Variants in DLGAP2 observed in about 807,000 individuals in gnomAD.
DLGAP2 encodes DLG associated protein 2, also known as disks large-associated protein 2.
In DLGAP2, 26 loss-of-function variants were observed where a neutral mutation model predicts 100.3. That is an observed-to-expected ratio of 0.26 (90% CI 0.19 to 0.36). DLGAP2 has a LOEUF of 0.36. Among genes scored for constraint, DLGAP2 ranks in the 10% least tolerant of loss-of-function variants. The probability of loss-of-function intolerance (pLI) is 1.00; values close to 1 mark genes in which losing one functional copy is unlikely to be tolerated. For missense variants in DLGAP2, 1,858 were observed against 1,453.2 expected (o/e 1.28, Z -4.53); for synonymous variants, 886 against 630.1 (o/e 1.41, Z -6.08).
At chr8:1,025,087 CGT>C (rs776154461) in intron 2 of DLGAP2, among the ~76,000 whole-genome samples, 85 of 150,966 alleles carry the variant, frequency 5.6e-4, no homozygotes, top group Non-Finnish European at 9.6e-4. Context: ...TGTGTGTGCG[CGT>C]GTATGTGTGT....
chr8:1,518,872 A>G (rs753510478), intron 4 of DLGAP2, among the ~76,000 whole-genome samples: 14 of 152,228 alleles, frequency 9.2e-5, no homozygotes, highest in Non-Finnish European at 1.6e-4. Flanking sequence ...ACTGAGCGGC[A>G]TCTGGATATT....
chr8:830,227 G>T (rs1020927789), intron 1 of DLGAP2, among the ~76,000 whole-genome samples: 1 of 152,108 alleles, frequency 6.6e-6, no homozygotes, highest in Non-Finnish European at 1.5e-5. Context: ...TTTGATACAG[G>T]CATGCAATGT....
chr8:1,508,206 T>C (rs1308936786), intron 4 of DLGAP2, among the ~76,000 whole-genome samples: 4 of 151,460 alleles, frequency 2.6e-5, no homozygotes, highest in Non-Finnish European at 4.4e-5. Flanking sequence ...TTACAGCTTT[T>C]CTCCTAAACA....
intron 2 of DLGAP2, among the ~76,000 whole-genome samples, chr8:1,231,542 A>G (rs149733947): frequency 5.3e-5 from 8 of 152,328 alleles, no homozygotes; most frequent in African/African-American, 1.9e-4. Flanking sequence ...TCACCTATTC[A>G]TTGCAGCACT....
intron 2 of DLGAP2, among the ~76,000 whole-genome samples, chr8:1,117,711 G>T (rs1271087352): frequency 1.3e-5 from 2 of 152,126 alleles, no homozygotes; most frequent in East Asian, 3.9e-4. Context: ...AGGGGGAGGC[G>T]GCTGTTCTCC....
chr8:1,329,836 T>G (rs1212854374), intron 3 of DLGAP2, among the ~76,000 whole-genome samples: 1 of 152,226 alleles, frequency 6.6e-6, no homozygotes, highest in Non-Finnish European at 1.5e-5. Context: ...AAGTGTCTCA[T>G]ACCAAACAGG....
chr8:1,164,343 C>CA (rs1563224521), intron 2 of DLGAP2, among the ~76,000 whole-genome samples: 1 of 128,848 alleles, frequency 7.8e-6, no homozygotes, highest in Non-Finnish European at 1.8e-5. Flanking sequence ...TCTGTGAGCC[C>CA]GCAGGGCCCG....
chr8:1,056,683 A>G (rs1346123395), intron 2 of DLGAP2, among the ~76,000 whole-genome samples: 1 of 152,242 alleles, frequency 6.6e-6, no homozygotes. Flanking sequence ...TGCTGTCAGC[A>G]TCAGCTCTGG....
intron 1 of DLGAP2, among the ~76,000 whole-genome samples, chr8:764,223 G>A (rs376109868): frequency 2.3e-4 from 35 of 152,208 alleles, no homozygotes; most frequent in African/African-American, 6.0e-4. Context: ...AGTCACAGGC[G>A]TGGATTTAGA....
At chr8:920,685 A>C (rs1798695471) in intron 2 of DLGAP2, among the ~76,000 whole-genome samples, 1 of 152,188 alleles carries the variant, frequency 6.6e-6, no homozygotes, top group South Asian at 2.1e-4. Context: ...CAGGAGGCAG[A>C]GGCTGCAGTG....
chr8:1,026,006 C>T (rs1801787636), intron 2 of DLGAP2, among the ~76,000 whole-genome samples: 1 of 152,242 alleles, frequency 6.6e-6, no homozygotes, highest in Non-Finnish European at 1.5e-5. Context: ...GAAGCTGCAC[C>T]AGGGATTCCC....
chr8:1,445,937 G>A (rs1296092121), intron 3 of DLGAP2, among the ~76,000 whole-genome samples: 7 of 152,102 alleles, frequency 4.6e-5, no homozygotes, highest in Non-Finnish European at 1.0e-4. Flanking sequence ...TGATGGGGTC[G>A]TTTGCTTTTT....
chr8:784,931 G>A (rs1418504873), intron 1 of DLGAP2, among the ~76,000 whole-genome samples: 2 of 151,154 alleles, frequency 1.3e-5, no homozygotes. Context: ...GTCCTGGCTG[G>A]GCACGGTGGC....
At chr8:1,019,486 C>G (rs1801566778) in intron 2 of DLGAP2, 1 of 151,030 alleles carries the variant, frequency 6.6e-6, no homozygotes, top group Non-Finnish European at 1.5e-5. Context: ...AGAAAGAATT[C>G]CACATCTGCT....
chr8:1,456,299 G>T (rs115272970), intron 3 of DLGAP2, among the ~76,000 whole-genome samples: 1 of 152,176 alleles, frequency 6.6e-6, no homozygotes, highest in Non-Finnish European at 1.5e-5. Flanking sequence ...CTACACACAC[G>T]CTTCTCCCAG....
At chr8:1,270,633 G>T (rs1052362066) in intron 3 of DLGAP2, among the ~76,000 whole-genome samples, 1 of 151,972 alleles carries the variant, frequency 6.6e-6, no homozygotes, top group African/African-American at 2.4e-5. Flanking sequence ...CGTTCTCCCA[G>T]TAAAATTTCC....
intron 2 of DLGAP2, among the ~76,000 whole-genome samples, chr8:1,152,271 A>T (rs766644918): frequency 6.6e-6 from 1 of 152,206 alleles, no homozygotes; most frequent in Non-Finnish European, 1.5e-5. Flanking sequence ...GTTTGCATTC[A>T]GACTTTTGCC....
intron 6 of DLGAP2, among the ~76,000 whole-genome samples, chr8:1,598,545 T>A (rs1486100166): frequency 6.6e-6 from 1 of 152,210 alleles, no homozygotes; most frequent in Non-Finnish European, 1.5e-5. Flanking sequence ...TTTCAGAACT[T>A]GTTATTGGTG....
chr8:1,198,759 C>T (rs1031170625), intron 2 of DLGAP2, among the ~76,000 whole-genome samples: 1 of 152,244 alleles, frequency 6.6e-6, no homozygotes, highest in Non-Finnish European at 1.5e-5. Flanking sequence ...GGCAAGACCA[C>T]ACCTGAACGA....
Sources: gnomAD v4.1 joint callset for allele counts (sites outside exome capture counted in the v4.1 genomes callset) on GRCh38, gnomAD v4.1.1 for gene constraint, MANE v1.5 for transcripts, NCBI Gene and HGNC (gene_info 2026-07-23, HGNC 2026-07-21) for gene names.